Variants in PCDHGA9 observed in about 807,000 individuals in gnomAD.
PCDHGA9 encodes protocadherin gamma-A9.
A neutral mutation model predicts 62.5 loss-of-function variants in PCDHGA9; 37 were observed. The observed-to-expected ratio is 0.59, with a 90% CI of 0.46 to 0.78. The LOEUF (loss-of-function observed/expected upper bound fraction) is 0.78, where lower values mean the gene tolerates loss of function less well. Ranked by LOEUF, PCDHGA9 falls within the 30% of genes least tolerant of loss-of-function variation. The pLI is 0.00. For synonymous variants in PCDHGA9, 459 were observed against 484.6 expected (o/e 0.95, Z 0.69); for missense variants, 1,138 against 1,166.2 (o/e 0.98, Z 0.35).
chr5:141,413,386 G>A (rs757396075), intron 1 of PCDHGA9: 6 of 1,613,884 alleles, frequency 3.7e-6, no homozygotes, highest in African/African-American at 1.3e-5. Context: ...AGTCCGCATA[G>A]TCTCCAGAGG....
Position 141,419,433 on chromosome 5 carries a change from T to C in PCDHGA9, c.2424+14057T>C, listed in dbSNP as rs1333004780. 11 of 1,613,246 alleles carry C rather than the reference T, an allele frequency of 6.8e-6. No individual in the cohort carries two copies. The highest frequency in any genetic ancestry group is 9.3e-6 in the Non-Finnish European group (11 of 1,179,828). On this transcript the variant is annotated intron_variant, in intron 1 of 3. Coordinates refer to ENST00000573521, the MANE Select transcript of PCDHGA9 (RefSeq NM_018921.3). ...CAGCGCGCCTTCGACCACGAGCAGC[T>C]GCGCACCTTCGAGCTCACGCTGCAG... is the stretch of plus-strand genomic sequence containing the variant.
At chr5:141,507,563 G>A (rs2099861587) in intron 3 of PCDHGA9, among the ~76,000 whole-genome samples, 1 of 152,222 alleles carries the variant, frequency 6.6e-6, no homozygotes, top group Non-Finnish European at 1.5e-5. Flanking sequence ...CAGGCGGCTG[G>A]GTCTGAGGAG....
chr5:141,494,926 G>T, intron 2 of PCDHGA9, 61 bp downstream of exon 2: 1 of 1,613,498 alleles, frequency 6.2e-7, no homozygotes, highest in Non-Finnish European at 8.5e-7. Flanking sequence ...GGATGACGTG[G>T]GAGGAGATGG....
chr5:141,421,477 A>G (rs755936665), intron 1 of PCDHGA9: 23 of 1,614,022 alleles, frequency 1.4e-5, no homozygotes, highest in Non-Finnish European at 1.7e-6. Context: ...GCGAAGCGGC[A>G]GCTTGATCAC....
At chr5:141,509,117 G>A (rs1271574654) in intron 3 of PCDHGA9, among the ~76,000 whole-genome samples, 1 of 152,150 alleles carries the variant, frequency 6.6e-6, no homozygotes, top group Admixed American at 6.5e-5. Flanking sequence ...GCGCTGGTGC[G>A]TGAAGAGAAA....
intron 1 of PCDHGA9, chr5:141,419,732 G>A (rs2096422854): frequency 6.2e-7 from 1 of 1,613,792 alleles, no homozygotes; most frequent in Non-Finnish European, 8.5e-7. Flanking sequence ...GCGAACAGGC[G>A]AGGTGCGCAT....
intron 1 of PCDHGA9, chr5:141,415,818 A>G: frequency 2.3e-6 from 3 of 1,325,056 alleles, no homozygotes; most frequent in Middle Eastern, 2.8e-4. Context: ...CCTATATATC[A>G]TAAGGCTTTG....
At chr5:141,415,478 GA>G (rs1209443921) in intron 1 of PCDHGA9, 2 of 1,613,964 alleles carry the variant, frequency 1.2e-6, no homozygotes, top group Non-Finnish European at 1.7e-6. Context: ...GCGGACTCGC[GA>G]AAGAGTCACC....
chr5:141,428,587 G>C (rs914718913), intron 1 of PCDHGA9: 6 of 226,650 alleles, frequency 2.6e-5, no homozygotes, highest in Non-Finnish European at 5.3e-5. Flanking sequence ...AGTTTCTCTG[G>C]TAGCAAGCTT....
chr5:141,485,106 T>C lies in PCDHGA9; in HGVS notation c.2425-9701T>C, dbSNP rs2099607051. The C allele has an allele frequency of 3.3e-6, 4 of 1,206,448 alleles. No homozygotes were observed. Among genetic ancestry groups the C allele is most frequent in the Non-Finnish European group, 4.8e-6 (4 of 828,284 alleles). 74.7% of individuals were successfully genotyped at this position (1,206,448 alleles called of 1,614,324 possible). ...GGGAGATAGGTGTCTCCAGCTGCTGTGGCTGTTTGGGGCGGGTCGGCTTCA... is the reference window on the plus strand; with the variant it reads ...GGGAGATAGGTGTCTCCAGCTGCTGCGGCTGTTTGGGGCGGGTCGGCTTCA... On this transcript the variant is annotated intron_variant, in intron 1 of 3. Coordinates refer to ENST00000573521, the MANE Select transcript of PCDHGA9 (RefSeq NM_018921.3). This position sits in a 1 kb window ranked among gnomAD's most constrained non-coding sequence, Gnocchi z 5.7.
Position 141,439,440 on chromosome 5 carries a change from A to T in PCDHGA9, c.2424+34064A>T, listed in dbSNP as rs147662506. 1.4e-3 allele frequency among the ~76,000 whole-genome samples: 212 copies of T among 152,330 alleles called. 1 individual carries two copies. The highest frequency in any genetic ancestry group is 4.8e-3 in the African/African-American group (198 of 41,576). On this transcript the variant is annotated intron_variant, in intron 1 of 3. Transcript: ENST00000573521. Reference sequence around the variant, plus strand: ...GGTTATAAATTCCCAGGAATATTTTATTGCGGGAGCAAGACTGCACTGCTG... The same window carrying T: ...GGTTATAAATTCCCAGGAATATTTTTTTGCGGGAGCAAGACTGCACTGCTG...
intron 1 of PCDHGA9, among the ~76,000 whole-genome samples, chr5:141,459,742 T>C (rs2098974738): frequency 6.6e-6 from 1 of 152,248 alleles, no homozygotes; most frequent in Non-Finnish European, 1.5e-5. Context: ...TTTTAAATTT[T>C]AGCAATTCTA....
chr5:141,478,337 T>C (rs766980546), intron 1 of PCDHGA9: 1 of 1,613,942 alleles, frequency 6.2e-7, no homozygotes, highest in Non-Finnish European at 8.5e-7. Context: ...ACCAGGGCCC[T>C]CCTTGCACGC....
Position 141,489,652 on chromosome 5 carries a change from C to T in PCDHGA9, c.2425-5155C>T, listed in dbSNP as rs767143028. The T allele has an allele frequency of 3.1e-6, 5 of 1,614,024 alleles. No individual in the cohort carries two copies. Among genetic ancestry groups the T allele is most frequent in the Non-Finnish European group, 4.2e-6 (5 of 1,180,026 alleles). ...CTCTCCTAGCTTTGCCACCCCTGAG[C>T]GAGAGATGCGCATCTCAGAATCAGC... On this transcript the variant is annotated intron_variant, in intron 1 of 3. Coordinates refer to ENST00000573521, the MANE Select transcript of PCDHGA9 (RefSeq NM_018921.3). The surrounding 1 kb of genome is among the most constrained non-coding windows in gnomAD (Gnocchi z 4.5).
At chr5:141,425,069 A>C (rs771114613) in intron 1 of PCDHGA9, among the ~76,000 whole-genome samples, 30 of 152,170 alleles carry the variant, frequency 2.0e-4, no homozygotes, top group Non-Finnish European at 4.1e-4. Context: ...GACAAAAATA[A>C]TTTCAACTGT....
rs769652961 is a variant in PCDHGA9, at chr5:141,489,435, A to G, written c.2425-5372A>G. ...CAGATCTGTTGAGCCGGCGGCTGCAATTGGGCTCTGAGGAGAATGGGCGCT... is the reference window on the plus strand; with the variant it reads ...CAGATCTGTTGAGCCGGCGGCTGCAGTTGGGCTCTGAGGAGAATGGGCGCT... On this transcript the variant is annotated intron_variant, in intron 1 of 3. Coordinates refer to ENST00000573521, the MANE Select transcript of PCDHGA9 (RefSeq NM_018921.3). This position sits in a 1 kb window ranked among gnomAD's most constrained non-coding sequence, Gnocchi z 4.5. 2 of 1,614,138 alleles carry G rather than the reference A, an allele frequency of 1.2e-6. No homozygotes were observed. The highest frequency in any genetic ancestry group is 1.7e-6 in the Non-Finnish European group (2 of 1,180,024).
chr5:141,485,070 G>T lies in PCDHGA9; in HGVS notation c.2425-9737G>T. ...CGCCGGCCGAACCGCGCCAGAGCTG[G>T]CGCGGGGAAAGGGAGATAGGTGTCT... On this transcript the variant is annotated intron_variant, in intron 1 of 3. Coordinates refer to ENST00000573521, the MANE Select transcript of PCDHGA9 (RefSeq NM_018921.3). This position sits in a 1 kb window ranked among gnomAD's most constrained non-coding sequence, Gnocchi z 5.7. 1.1e-6 allele frequency: 1 copy of T among 908,406 alleles called. No individual in the cohort carries two copies. Among genetic ancestry groups the T allele is most frequent in the East Asian group, 2.4e-5 (1 of 41,326 alleles). 56.3% of individuals were successfully genotyped at this position (908,406 alleles called of 1,614,324 possible).
rs3074541 is a variant in PCDHGA9 at position 141,433,358 on chromosome 5, CCTATCTATCTATCTATCTATCTAT to C, written c.2424+28007_2424+28030del. 6 of 503,934 alleles carry C rather than the reference CCTATCTATCTATCTATCTATCTAT, an allele frequency of 1.2e-5. No homozygotes were observed. In the Admixed American group the frequency reaches 1.5e-4, roughly 12 times the overall value. The allele number at this position is 503,934 out of a possible 1,614,324, so 31.2% of individuals were successfully genotyped here. ...ACAGGTGCAAGCCACCTACTGTCTG[CCTATCTATCTATCTATCTATCTAT>C]CTATCTATCTATCTATCTATCTATT... On this transcript the variant is annotated intron_variant, in intron 1 of 3. Transcript: ENST00000573521.
At chr5:141,466,281 C>T (rs555506496) in intron 1 of PCDHGA9, among the ~76,000 whole-genome samples, 76 of 152,252 alleles carry the variant, frequency 5.0e-4, no homozygotes, top group African/African-American at 1.7e-3. Context: ...AGCAATCTTC[C>T]CACCTCAGGC....
Sources: allele counts gnomAD v4.1 joint callset (sites outside exome capture counted in the v4.1 genomes callset), GRCh38; gene constraint gnomAD v4.1.1; non-coding constraint Gnocchi (gnomAD v3.1); transcripts MANE v1.5; gene names NCBI Gene and HGNC (gene_info 2026-07-23, HGNC 2026-07-21).